The following BANK1 variants were observed in gnomAD, a reference collection of about 807,000 sequenced individuals.
The protein encoded by BANK1 is B cell scaffold protein with ankyrin repeats 1.
A neutral mutation model predicts 94.5 loss-of-function variants in BANK1; 95 were observed. The observed-to-expected ratio is 1.00, with a 90% CI of 0.85 to 1.19. The LOEUF (loss-of-function observed/expected upper bound fraction) is 1.19, where lower values mean the gene tolerates loss of function less well. BANK1 is among the 50% of genes most tolerant of loss of function. BANK1 has a pLI of 0.00. For synonymous variants in BANK1, 334 were observed against 308.4 expected, an observed-to-expected ratio of 1.08 and a Z score of -0.87; for missense variants, 987 against 932.2, an observed-to-expected ratio of 1.06 and a Z score of -0.77.
At chr4:102,056,361 G>A (rs1017267761) in intron 11 of BANK1, among the ~76,000 whole-genome samples, 1 of 152,032 alleles carries the variant, frequency 6.6e-6, no homozygotes, top group Non-Finnish European at 1.5e-5. Flanking sequence ...GTGGAGAAAA[G>A]TGGAAACAAT....
At chr4:102,022,298 T>A (rs944151492) in intron 8 of BANK1, among the ~76,000 whole-genome samples, 7 of 152,014 alleles carry the variant, frequency 4.6e-5, no homozygotes, top group African/African-American at 1.7e-4. Flanking sequence ...AAGTGAAAAC[T>A]CCTTCCCTCC....
rs1053095102 is a variant in BANK1 at position 101,830,927 on chromosome 4, G to T, written c.469+721G>T. On this transcript the variant is annotated intron_variant, in intron 2 of 16. Transcript: ENST00000322953. ...AGATTAAAAGTTGGCTATTTTTTTT[G>T]GAGCAAATTTCTGAGTTTTGGGAAA... is the stretch of plus-strand genomic sequence containing the variant. Among the ~76,000 whole-genome samples the T allele has an allele frequency of 4.6e-5, 7 of 151,920 alleles. 1 individual carries two copies. Among genetic ancestry groups the T allele is most frequent in the African/African-American group, 1.7e-4 (7 of 41,444 alleles).
At chr4:101,815,301 C>T (rs761222231) in intron 1 of BANK1, among the ~76,000 whole-genome samples, 18 of 152,002 alleles carry the variant, frequency 1.2e-4, no homozygotes, top group East Asian at 1.9e-4. Flanking sequence ...GAATCCTGCC[C>T]CTCCAGGGTA....
At chr4:101,924,078 C>A (rs537433321) in intron 7 of BANK1, among the ~76,000 whole-genome samples, 1 of 151,714 alleles carries the variant, frequency 6.6e-6, no homozygotes, top group East Asian at 2.0e-4. Context: ...ATGCTTAATG[C>A]AACGTGTATG....
chr4:101,970,515 G>C (rs1277799188), intron 7 of BANK1, among the ~76,000 whole-genome samples: 1 of 152,072 alleles, frequency 6.6e-6, no homozygotes, highest in Non-Finnish European at 1.5e-5. Flanking sequence ...TCCTGGAGGG[G>C]AGAGGAAGCA....
intron 7 of BANK1, among the ~76,000 whole-genome samples, chr4:101,951,939 G>A (rs897559811): frequency 6.6e-6 from 1 of 151,974 alleles, no homozygotes; most frequent in Non-Finnish European, 1.5e-5. Context: ...CTTGAGCTCA[G>A]TTATAGCAAG....
At chr4:101,903,404 A>G (rs1578388801) in intron 6 of BANK1, among the ~76,000 whole-genome samples, 1 of 152,320 alleles carries the variant, frequency 6.6e-6, no homozygotes, top group East Asian at 1.9e-4. Flanking sequence ...AGTTCTCCCA[A>G]TTCTTATCAT....
At chr4:102,046,545 G>A (rs75038254) in intron 11 of BANK1, among the ~76,000 whole-genome samples, 4,236 of 152,198 alleles carry the variant, frequency 0.028, 70 homozygotes, top group Non-Finnish European at 0.038. Context: ...CTTGGTAGGA[G>A]TGGCAAATGA....
At chr4:101,895,206 T>G (rs745680683) in intron 5 of BANK1, 99 bp from the exon 6 acceptor site, 4 of 590,602 alleles carry the variant, frequency 6.8e-6, no homozygotes, top group Non-Finnish European at 1.2e-5. Flanking sequence ...GATTAGCCAT[T>G]GTTTACTCCA....
chr4:101,913,610 G>C (rs1453822473), intron 6 of BANK1, among the ~76,000 whole-genome samples: 1 of 152,064 alleles, frequency 6.6e-6, no homozygotes, highest in Non-Finnish European at 1.5e-5. Context: ...AGATAAGAAG[G>C]CACTTCATAG....
intron 11 of BANK1, among the ~76,000 whole-genome samples, chr4:102,053,287 C>T (rs907915741): frequency 1.3e-5 from 2 of 152,094 alleles, no homozygotes; most frequent in Non-Finnish European, 2.9e-5. Flanking sequence ...CACTATGAGA[C>T]AGGAAAAAGT....
At chr4:101,958,556 T>C (rs1724450283) in intron 7 of BANK1, among the ~76,000 whole-genome samples, 1 of 151,482 alleles carries the variant, frequency 6.6e-6, no homozygotes, top group Non-Finnish European at 1.5e-5. Flanking sequence ...TTCCAGAATT[T>C]CAAAGGACTA....
intron 1 of BANK1, among the ~76,000 whole-genome samples, chr4:101,826,225 T>C (rs971319063): frequency 1.3e-5 from 2 of 152,032 alleles, no homozygotes; most frequent in African/African-American, 2.4e-5. Flanking sequence ...TGATATTGAC[T>C]AATCTAACTC....
intron 7 of BANK1, among the ~76,000 whole-genome samples, chr4:101,955,009 C>G (rs1006260169): frequency 3.3e-5 from 5 of 151,938 alleles, no homozygotes; most frequent in Non-Finnish European, 7.4e-5. Flanking sequence ...AGAAAAAAAC[C>G]TTTCTTAATG....
chr4:101,863,068 G>T (rs947164731), intron 4 of BANK1, among the ~76,000 whole-genome samples: 1 of 151,422 alleles, frequency 6.6e-6, no homozygotes, highest in Non-Finnish European at 1.5e-5. Flanking sequence ...CCAAGTCTCT[G>T]GTATATTTTT....
At chr4:101,868,569 G>A (rs1441992485) in intron 4 of BANK1, among the ~76,000 whole-genome samples, 1 of 151,914 alleles carries the variant, frequency 6.6e-6, no homozygotes, top group African/African-American at 2.4e-5. Flanking sequence ...ACCTGTATTT[G>A]TGTGTACTTA....
chr4:102,065,321 T>C (rs577492045), intron 13 of BANK1, among the ~76,000 whole-genome samples: 10 of 152,292 alleles, frequency 6.6e-5, no homozygotes, highest in African/African-American at 2.4e-4. Context: ...GTAGGCTGAC[T>C]GAATCTACAA....
At chr4:101,857,217 C>A (rs1473135948) in intron 3 of BANK1, among the ~76,000 whole-genome samples, 1 of 152,164 alleles carries the variant, frequency 6.6e-6, no homozygotes, top group Non-Finnish European at 1.5e-5. Context: ...CCTAAAAAAT[C>A]TAGAAATTTT....
At chr4:101,997,835 G>C (rs934373371) in intron 7 of BANK1, among the ~76,000 whole-genome samples, 2 of 151,724 alleles carry the variant, frequency 1.3e-5, no homozygotes, top group Admixed American at 1.3e-4. Flanking sequence ...ATTCTGGCTA[G>C]TAGTCTATTT....
Sources: allele counts gnomAD v4.1 joint callset (sites outside exome capture counted in the v4.1 genomes callset), GRCh38; gene constraint gnomAD v4.1.1; transcripts MANE v1.5; gene names NCBI Gene and HGNC (gene_info 2026-07-23, HGNC 2026-07-21).